SLTM: variants seen among roughly 807,000 people sequenced by gnomAD.
SLTM encodes SAFB like transcription modulator, also known as SAFB-like transcription modulator.
Under a neutral mutation model 134.6 loss-of-function variants are expected in SLTM, and 43 were observed. That is an observed-to-expected ratio of 0.32 (90% CI 0.25 to 0.41). The LOEUF is 0.41. SLTM is among the 10% of genes least tolerant of loss of function. SLTM has a pLI of 1.00. For synonymous variants in SLTM, 424 were observed against 432.3 expected (o/e 0.98, Z 0.24); for missense variants, 1,055 against 1,288.8 (o/e 0.82, Z 2.78).
chr15:58,882,374 A>G (rs560365642), intron 20 of SLTM, among the ~76,000 whole-genome samples: 9 of 152,210 alleles, frequency 5.9e-5, no homozygotes, highest in African/African-American at 1.9e-4. Flanking sequence ...AATTCATGGA[A>G]ACAGCAAAGC....
intron 2 of SLTM, among the ~76,000 whole-genome samples, chr15:58,931,581 G>A (rs2037883886): frequency 1.3e-5 from 2 of 152,112 alleles, no homozygotes; most frequent in South Asian, 2.1e-4. Context: ...TCCACCCTCT[G>A]CCACTGTCCT....
rs752661571 is a variant in SLTM at position 58,880,117 on chromosome 15, G to T, written c.2997-10C>A. The T allele has an allele frequency of 6.2e-7, 1 of 1,609,350 alleles. No individual in the cohort carries two copies. The highest frequency in any genetic ancestry group is 1.1e-5 in the South Asian group (1 of 90,114). The stretch of plus-strand genomic sequence containing the variant: ...AATTGGGGATGCGTTACTGAAAAAG[G>T]TTTAAAAGAAAAAAACATCAGAGAA... On this transcript the variant is annotated splice_polypyrimidine_tract_variant and intron_variant, in intron 20 of 20. Transcript: ENST00000380516.
At chr15:58,910,776 G>T (rs974067674) in intron 5 of SLTM, among the ~76,000 whole-genome samples, 1 of 140,040 alleles carries the variant, frequency 7.1e-6, no homozygotes, top group Non-Finnish European at 1.5e-5. Flanking sequence ...GACAAGTCTC[G>T]GTCTGTTGCC....
chr15:58,883,783 A>G lies in SLTM; in HGVS notation c.2839T>C (p.Tyr947His), dbSNP rs939594219. ...TCAACCACATGTCGCTCCTCAGGATAGTGCTAAAAGAATAGCATATGAAAA... is the reference window on the plus strand; with the variant it reads ...TCAACCACATGTCGCTCCTCAGGATGGTGCTAAAAGAATAGCATATGAAAA... ...ITDRGGGSQHYPEERHVVERH... is the reference protein window; with the variant it reads ...ITDRGGGSQHHPEERHVVERH... The change falls in exon 20 of 21, where the codon TAT becomes CAT. Residue 947 changes from tyrosine (Y) to histidine (H), a missense_variant. Physicochemically the swap from Tyr to His is moderately conservative, Grantham distance 83. Transcript: ENST00000380516. 2.5e-6 allele frequency: 4 copies of G among 1,613,792 alleles called. No individual in the cohort carries two copies. The highest frequency in any genetic ancestry group is 3.4e-6 in the Non-Finnish European group (4 of 1,179,792).
chr15:58,898,468 A>G (rs2035249620), intron 8 of SLTM: 1 of 182,706 alleles, frequency 5.5e-6, no homozygotes, highest in Non-Finnish European at 1.1e-5. Flanking sequence ...GTAGTTATAA[A>G]TGAGTAACAA....
chr15:58,902,016 T>C (rs1220857756), intron 5 of SLTM, among the ~76,000 whole-genome samples: 1 of 152,218 alleles, frequency 6.6e-6, no homozygotes, highest in African/African-American at 2.4e-5. Flanking sequence ...GACTTTAATT[T>C]TAACATATTT....
intron 4 of SLTM, 21 bp downstream of exon 4, chr15:58,913,478 T>TA (rs752582940): frequency 1.0e-4 from 160 of 1,564,304 alleles, no homozygotes; most frequent in South Asian, 1.1e-4. Flanking sequence ...TGTCATGTTT[T>TA]AAAAAAAACT....
intron 5 of SLTM, among the ~76,000 whole-genome samples, chr15:58,903,270 G>A (rs1272393524): frequency 6.6e-6 from 1 of 151,910 alleles, no homozygotes; most frequent in African/African-American, 2.4e-5. Flanking sequence ...CCTGACCTCA[G>A]GTGATCCACC....
intron 3 of SLTM, among the ~76,000 whole-genome samples, chr15:58,915,438 G>A (rs2036567167): frequency 6.6e-6 from 1 of 152,152 alleles, no homozygotes; most frequent in Non-Finnish European, 1.5e-5. Context: ...ATTTTTTACT[G>A]AGTCACAATG....
rs750357334 is a variant in SLTM at position 58,899,832 on chromosome 15, T to C, written c.695A>G (p.His232Arg). Residue 232 changes from histidine to arginine, a missense_variant, in exon 7 of 21, where the codon CAT (histidine) becomes CGT (arginine). His to Arg is a conservative substitution (Grantham distance 29). This residue lies in a region of SLTM where 268 missense variants were observed against 284.3 expected (regional missense o/e 0.94). Transcript: ENST00000380516. This position sits in a 1 kb window ranked among gnomAD's most constrained non-coding sequence, Gnocchi z 5.0. ...ATCCTCAGCTTCTTTCACAGTCGTA[T>C]GAGCTTCCATCTCTTCATGAGCTGT... is the stretch of plus-strand genomic sequence containing the variant. ...DHTAHEEMEA[H>R]TTVKEAEDDN... 1 of 1,613,186 alleles carries C rather than the reference T, an allele frequency of 6.2e-7. No homozygotes were observed. The highest frequency in any genetic ancestry group is 8.5e-7 in the Non-Finnish European group (1 of 1,179,112).
At position 58,932,368 on chromosome 15, in the gene SLTM, T is replaced by C; in HGVS notation, c.238A>G (p.Thr80Ala). ...AACTCGTAACAACCTTTGCCTTTAGTTGGTTTCTTGTTTGGAGTATCAGTT... is the reference window on the plus strand; with the variant it reads ...AACTCGTAACAACCTTTGCCTTTAGCTGGTTTCTTGTTTGGAGTATCAGTT... ...VSTDTPNKKP[T>A]KGKGKKHEAD... The change falls in exon 2 of 21, where the codon ACT (threonine) becomes GCT (alanine). Residue 80 changes from threonine to alanine, a missense_variant. Coordinates refer to ENST00000380516, the MANE Select transcript of SLTM (RefSeq NM_024755.4). 6.2e-7 allele frequency: 1 copy of C among 1,612,934 alleles called. No homozygotes were observed. The highest frequency in any genetic ancestry group is 8.5e-7 in the Non-Finnish European group (1 of 1,178,918).
intron 11 of SLTM, 30 bp from the exon 12 acceptor site, chr15:58,894,017 G>C: frequency 6.2e-7 from 1 of 1,601,180 alleles, no homozygotes; most frequent in Non-Finnish European, 8.5e-7. Flanking sequence ...CAAAAAAACA[G>C]AATGAGTACT....
At chr15:58,903,911 T>G (rs1184677763) in intron 5 of SLTM, among the ~76,000 whole-genome samples, 3 of 152,340 alleles carry the variant, frequency 2.0e-5, no homozygotes, top group African/African-American at 7.2e-5. Flanking sequence ...AGCATGCACT[T>G]CTTAAAATGT....
In SLTM at chr15:58,897,414, G is replaced by A. The variant is rs376116166; in HGVS notation, c.1109-181C>T. The A allele has an allele frequency of 3.3e-5, 17 of 520,544 alleles. No homozygotes were observed. The East Asian group carries it at 4.6e-4, about 14-fold the overall frequency. 32.2% of individuals were successfully genotyped at this position (520,544 alleles called of 1,614,324 possible). A position where few individuals can be genotyped will look rare whatever the true frequency, so the allele number is the denominator to read the frequency against. On this transcript the variant is annotated intron_variant, in intron 8 of 20. Coordinates refer to ENST00000380516, the MANE Select transcript of SLTM (RefSeq NM_024755.4). ...CATGACTAGTGAGGGGAAAAAATCT[G>A]AACGTATGTACATTTCCTATTGTAT...
chr15:58,883,747 G>T lies in SLTM; in HGVS notation c.2875C>A (p.Arg959=), dbSNP rs755261794. The T allele has an allele frequency of 6.2e-7, 1 of 1,614,036 alleles. No individual in the cohort carries two copies. Among genetic ancestry groups the T allele is most frequent in the South Asian group, 1.1e-5 (1 of 91,082 alleles). ...TCTTTCCTTGGTCCGCTTGTGTCCCGTCCATGGCGTTCAACCACATGTCGC... is the reference window on the plus strand; with the variant it reads ...TCTTTCCTTGGTCCGCTTGTGTCCCTTCCATGGCGTTCAACCACATGTCGC... ...EERHVVERHG[R]DTSGPRKEWH... Residue 959 remains arginine (R), a synonymous_variant, in exon 20 of 21, where the codon CGG becomes AGG. Transcript: ENST00000380516.
intron 5 of SLTM, among the ~76,000 whole-genome samples, chr15:58,909,597 T>C (rs2036113852): frequency 6.6e-6 from 1 of 152,194 alleles, no homozygotes; most frequent in Non-Finnish European, 1.5e-5. Flanking sequence ...GAATCATCAA[T>C]GACTGGTACC....
intron 9 of SLTM, among the ~76,000 whole-genome samples, chr15:58,896,219 C>A (rs1176928867): frequency 6.6e-6 from 1 of 152,052 alleles, no homozygotes; most frequent in Non-Finnish European, 1.5e-5. Flanking sequence ...CTTTTTAACA[C>A]CTGTGTACTT....
chr15:58,929,465 A>G (rs976173282), intron 2 of SLTM, among the ~76,000 whole-genome samples: 1 of 152,196 alleles, frequency 6.6e-6, no homozygotes, highest in African/African-American at 2.4e-5. Context: ...AAGAAAAGAA[A>G]AGAAAAACGG....
chr15:58,888,835 C>A, intron 16 of SLTM: 1 of 268,854 alleles, frequency 3.7e-6, no homozygotes, highest in African/African-American at 2.2e-5. Flanking sequence ...AGAAATGATA[C>A]CATTAAATGG....
Sources: allele counts gnomAD v4.1 joint callset (sites outside exome capture counted in the v4.1 genomes callset), GRCh38; gene constraint gnomAD v4.1.1; regional missense constraint gnomAD v4.1.1; non-coding constraint Gnocchi (gnomAD v3.1); transcripts MANE v1.5; gene names NCBI Gene and HGNC (gene_info 2026-07-23, HGNC 2026-07-21).